PRDM7: variants seen among roughly 807,000 people sequenced by gnomAD.
PRDM7 encodes PR/SET domain 7.
Under a neutral mutation model 64.3 loss-of-function variants are expected in PRDM7, and 52 were observed. That is an observed-to-expected ratio of 0.81 (90% CI 0.65 to 1.02). PRDM7 has a LOEUF of 1.02. Among genes scored for constraint, PRDM7 ranks in the 50% least tolerant of loss-of-function variants. The pLI, the probability that PRDM7 is intolerant of heterozygous loss-of-function variation, is 0.00. For synonymous variants in PRDM7, 192 were observed against 210.1 expected (o/e 0.91, Z 0.74); for missense variants, 574 against 597.1 (o/e 0.96, Z 0.40).
intron 4 of PRDM7, among the ~76,000 whole-genome samples, chr16:90,071,612 G>A (rs1269169112): frequency 1.8e-3 from 13 of 7,364 alleles, no homozygotes; most frequent in African/African-American, 2.1e-3. Context: ...CCTTTTCATC[G>A]GAACCCACTC....
At chr16:90,066,105 G>T (rs1174359752) in intron 5 of PRDM7, among the ~76,000 whole-genome samples, 1 of 151,392 alleles carries the variant, frequency 6.6e-6, no homozygotes, top group African/African-American at 2.5e-5. Context: ...GGTTCCAGAA[G>T]AATATATTTT....
intron 5 of PRDM7, among the ~76,000 whole-genome samples, chr16:90,064,695 A>G (rs1204293328): frequency 7.0e-6 from 1 of 143,374 alleles, no homozygotes; most frequent in East Asian, 2.0e-4. Flanking sequence ...ATTATATGTA[A>G]GAGCCCCCGC....
chr16:90,066,875 T>C lies in PRDM7; in HGVS notation c.337A>G (p.Ser113Gly), dbSNP rs751548707. The change falls in exon 5 of 11, where the codon AGT becomes GGT. Residue 113 changes from serine to glycine, a missense_variant. Physicochemically the swap from Ser to Gly is moderately conservative, Grantham distance 56. Transcript: ENST00000449207. ...GAGATACTTACCTTCTGGTGTTTAC[T>C]CTGTTCTCCTCTGAAGGCCATCCAA... is the stretch of plus-strand genomic sequence containing the variant. The part of the protein sequence containing the change: ...PPWMAFRGEQ[S>G]KHQKGMPKAS... The C allele has an allele frequency of 2.5e-6, 4 of 1,597,218 alleles. No homozygotes were observed. In the South Asian group the frequency reaches 4.4e-5, roughly 18 times the overall value.
chr16:90,072,890 C>G (rs1217793919), intron 4 of PRDM7, among the ~76,000 whole-genome samples: 1 of 152,172 alleles, frequency 6.6e-6, no homozygotes, highest in Non-Finnish European at 1.5e-5. Flanking sequence ...CCTTTCATTC[C>G]TCTTACATTA....
chr16:90,057,695 A>T lies in PRDM7; in HGVS notation c.*594T>A. The T allele has an allele frequency of 2.5e-6, 3 of 1,180,070 alleles. No homozygotes were observed. The highest frequency in any genetic ancestry group is 1.1e-6 in the Non-Finnish European group (1 of 930,072). 73.1% of individuals were successfully genotyped at this position (1,180,070 alleles called of 1,614,324 possible). A position where few individuals can be genotyped will look rare whatever the true frequency, so the allele number is the denominator to read the frequency against. On this transcript the variant is annotated 3_prime_UTR_variant, in exon 11 of 11. Transcript: ENST00000449207. ...AAGTGGCGGATTTGTTTAATTAGTT[A>T]TTTCCGATCTCTTTACACTCTCGGG...
chr16:90,058,318 T>C lies in PRDM7; in HGVS notation c.1450A>G (p.Lys484Glu). Residue 484 changes from lysine to glutamate, a missense_variant, in exon 11 of 11, where the codon AAG becomes GAG. Coordinates refer to ENST00000449207, the MANE Select transcript of PRDM7 (RefSeq NM_001098173.2). ...GAGTTTGGACCTTTCTTTGATCTCTTGACCTTTGGTTTTGTCATTACAGCA... is the reference window on the plus strand; with the variant it reads ...GAGTTTGGACCTTTCTTTGATCTCTCGACCTTTGGTTTTGTCATTACAGCA... ...HAAVMTKPKV[K>E]RSKKGPNS 4 of 1,614,228 alleles carry C rather than the reference T, an allele frequency of 2.5e-6. No homozygotes were observed. Among genetic ancestry groups the C allele is most frequent in the Non-Finnish European group, 3.4e-6 (4 of 1,180,038 alleles).
chr16:90,071,647 GATA>G (rs2037958135), intron 4 of PRDM7, among the ~76,000 whole-genome samples: 1 of 152,156 alleles, frequency 6.6e-6, no homozygotes, highest in African/African-American at 2.4e-5. Flanking sequence ...CCACTCCTGT[GATA>G]ATGGCATTAA....
At chr16:90,074,804 G>T in intron 4 of PRDM7, 112 bp downstream of exon 4, 1 of 1,037,182 alleles carries the variant, frequency 9.6e-7, no homozygotes, top group East Asian at 2.7e-5. Flanking sequence ...GCTTGAACCT[G>T]GGAGGCAGAG....
At position 90,061,304 on chromosome 16, in the gene PRDM7, A is replaced by C. The variant is rs558622675; in HGVS notation, c.950+148T>G. ...CTATATTTTTATTTTTTATTTCTAA[A>C]AGTTGATGGTATAAAACAGCATTGT... is the stretch of plus-strand genomic sequence containing the variant. On this transcript the variant is annotated intron_variant, in intron 9 of 10. Transcript: ENST00000449207. 2.2e-5 allele frequency: 16 copies of C among 714,990 alleles called. No homozygotes were observed. In the East Asian group the frequency reaches 4.6e-4, roughly 20 times the overall value. The allele number at this position is 714,990 out of a possible 1,614,324, so 44.3% of individuals were successfully genotyped here. A position where few individuals can be genotyped will look rare whatever the true frequency, so the allele number is the denominator to read the frequency against.
chr16:90,058,641 T>C, intron 10 of PRDM7, 107 bp from the exon 11 acceptor site: 1 of 1,358,070 alleles, frequency 7.4e-7, no homozygotes, highest in Non-Finnish European at 1.1e-6. Context: ...ATGTTAACAA[T>C]GCAAGCTCTC....
chr16:90,061,668 A>G (rs2037780286), intron 8 of PRDM7, 149 bp from the exon 9 acceptor site: 1 of 1,156,666 alleles, frequency 8.6e-7, no homozygotes, highest in Admixed American at 2.1e-5. Flanking sequence ...TCATCTACAC[A>G]TCTGAGTTGG....
chr16:90,074,966 T>G lies in PRDM7; in HGVS notation c.251A>C (p.Gln84Pro). 1.9e-6 allele frequency: 3 copies of G among 1,614,150 alleles called. No individual in the cohort carries two copies. The highest frequency in any genetic ancestry group is 1.7e-6 in the Non-Finnish European group (2 of 1,180,016). The change falls in exon 4 of 11, where the codon CAG becomes CCG. Residue 84 changes from glutamine to proline, a missense_variant. Coordinates refer to ENST00000449207, the MANE Select transcript of PRDM7 (RefSeq NM_001098173.2). Reference sequence around the variant, plus strand: ...ATCGGAATCTTCTGTGTCATCCACCTGGAGTTTGATGGCCTGCCTTCGGTG... The same window carrying G: ...ATCGGAATCTTCTGTGTCATCCACCGGGAGTTTGATGGCCTGCCTTCGGTG... The part of the protein sequence containing the change: ...MCHRRQAIKL[Q>P]VDDTEDSDEE...
At position 90,062,113 on chromosome 16, in the gene PRDM7, C is replaced by T. The variant is rs2037789700; in HGVS notation, c.690G>A (p.Val230=). Residue 230 remains valine (V), a synonymous_variant, in exon 8 of 11, where the codon GTG becomes GTA. Transcript: ENST00000449207. ...GPPTFVKDSA[V]DKGHPNRSAL... ...CTGAACGGTTGGGATGCCCCTTGTC[C>T]ACTGCACTGTCCTTTACAAATGTAG... 1 of 1,614,122 alleles carries T rather than the reference C, an allele frequency of 6.2e-7. No homozygotes were observed.
intron 4 of PRDM7, chr16:90,069,869 C>T (rs1268568141): frequency 2.0e-5 from 3 of 151,870 alleles, no homozygotes; most frequent in Non-Finnish European, 2.9e-5. Context: ...GCCTGGCCAA[C>T]ATGGTGAAAC....
At chr16:90,060,192 T>C (rs1249822385) in intron 10 of PRDM7, 149 bp downstream of exon 10, 2 of 1,188,872 alleles carry the variant, frequency 1.7e-6, no homozygotes, top group Non-Finnish European at 1.2e-6. Context: ...CAAAGGCATA[T>C]AACATGAATC....
At position 90,061,501 on chromosome 16, in the gene PRDM7, A is replaced by C; in HGVS notation, c.901T>G (p.Cys301Gly). The C allele has an allele frequency of 6.2e-7, 1 of 1,605,746 alleles. No individual in the cohort carries two copies. The highest frequency in any genetic ancestry group is 8.5e-7 in the Non-Finnish European group (1 of 1,172,316). Residue 301 changes from cysteine (C) to glycine (G), a missense_variant, in exon 9 of 11, where the codon TGC becomes GGC. Physicochemically the swap from Cys to Gly is radical, Grantham distance 159. Transcript: ENST00000449207. ...YSWLITKGRN[C>G]YEYVDGKDKS... ...TCTTTTCCATCCACATACTCATAGC[A>C]GTTTCTCCCCTTGGTGATCTGAGTT...
Position 90,075,376 on chromosome 16 carries a change from C to T in PRDM7, c.168G>A (p.Met56Ile), listed in dbSNP as rs2038021039. The change falls in exon 3 of 11, where the codon ATG becomes ATA. Residue 56 changes from methionine to isoleucine, a missense_variant. By Grantham distance (10) the Met-to-Ile change is conservative (BLOSUM62 1). Transcript: ENST00000449207. The surrounding 1 kb of genome is among the most constrained non-coding windows in gnomAD (Gnocchi z 4.3). ...WEKTRYRNVK[M>I]NYNALITVGL... ...CTACAGTAATCAGTGCATTATAGTT[C>T]ATTTTCACATTCCTATAGCGAGTTT... is the stretch of plus-strand genomic sequence containing the variant. The T allele has an allele frequency of 6.2e-7, 1 of 1,614,212 alleles. No homozygotes were observed. Among genetic ancestry groups the T allele is most frequent in the Non-Finnish European group, 8.5e-7 (1 of 1,180,040 alleles).
intron 4 of PRDM7, among the ~76,000 whole-genome samples, chr16:90,071,919 G>C (rs188525281): frequency 6.6e-6 from 1 of 152,140 alleles, no homozygotes; most frequent in Non-Finnish European, 1.5e-5. Flanking sequence ...AAGGCTGGGC[G>C]CGGTGGCTCA....
At chr16:90,065,156 C>A (rs965267002) in intron 5 of PRDM7, among the ~76,000 whole-genome samples, 2 of 150,268 alleles carry the variant, frequency 1.3e-5, no homozygotes. Context: ...AATCCCAGCA[C>A]TTTGGGAGGC....
Sources: gnomAD v4.1 joint callset for allele counts (sites outside exome capture counted in the v4.1 genomes callset) on GRCh38, gnomAD v4.1.1 for gene constraint, Gnocchi (gnomAD v3.1) non-coding constraint, MANE v1.5 for transcripts, NCBI Gene and HGNC (gene_info 2026-07-23, HGNC 2026-07-21) for gene names.